Variants in STK32B observed in about 807,000 individuals in gnomAD.
STK32B encodes the protein serine/threonine kinase 32B, also known as serine/threonine-protein kinase 32B.
STK32B carries 43 observed loss-of-function variants against 52.6 expected under a neutral mutation model. The ratio of observed to expected loss-of-function variants is 0.82; its 90% CI spans 0.64 to 1.05. The LOEUF is 1.05. STK32B is among the 50% of genes least tolerant of loss of function. STK32B has a pLI of 0.00. For synonymous variants in STK32B, 238 were observed against 204.3 expected (o/e 1.17, Z -1.41); for missense variants, 621 against 534.6 (o/e 1.16, Z -1.59).
intron 4 of STK32B, among the ~76,000 whole-genome samples, chr4:5,333,329 T>TCTGA (rs1425575231): frequency 6.7e-6 from 1 of 149,248 alleles, no homozygotes; most frequent in African/African-American, 2.4e-5. Context: ...GATGGGGTTG[T>TCTGA]TTTTTTCTTG....
intron 2 of STK32B, among the ~76,000 whole-genome samples, chr4:5,143,196 T>C (rs1294603224): frequency 6.6e-6 from 1 of 152,116 alleles, no homozygotes; most frequent in East Asian, 1.9e-4. Flanking sequence ...GACTGATACA[T>C]GGCACAATAG....
At chr4:5,345,206 G>C (rs1385644241) in intron 4 of STK32B, 1 of 151,356 alleles carries the variant, frequency 6.6e-6, no homozygotes, top group Admixed American at 6.6e-5. Flanking sequence ...TGCTATGACA[G>C]TATAACTGGG....
At chr4:5,158,939 C>G (rs574928732) in intron 2 of STK32B, among the ~76,000 whole-genome samples, 1 of 152,190 alleles carries the variant, frequency 6.6e-6, no homozygotes, top group East Asian at 1.9e-4. Context: ...GGGGGACATA[C>G]AGCTTAGCCC....
rs558096596 is a variant in STK32B at position 5,243,611 on chromosome 4, G to C, written c.260+75161G>C. ...ATTGCCCTGGCCAGAACCTCCAACA[G>C]TATGTTGAATAGGAGTGGTGAGAGA... On this transcript the variant is annotated intron_variant, in intron 3 of 11. Coordinates refer to ENST00000282908, the MANE Select transcript of STK32B (RefSeq NM_018401.3). 2.5e-3 allele frequency among the ~76,000 whole-genome samples: 379 copies of C among 152,214 alleles called. 5 individuals are homozygous for C. Among genetic ancestry groups the C allele is most frequent in the African/African-American group, 2.6e-3 (106 of 41,542 alleles).
intron 11 of STK32B, among the ~76,000 whole-genome samples, chr4:5,496,684 G>A (rs567994579): frequency 2.6e-5 from 4 of 152,028 alleles, no homozygotes; most frequent in South Asian, 2.1e-4. Context: ...GTTCCTTTTC[G>A]GCCATCTTGG....
chr4:5,426,633 T>C (rs1713119059), intron 6 of STK32B, among the ~76,000 whole-genome samples: 1 of 123,810 alleles, frequency 8.1e-6, no homozygotes, highest in East Asian at 2.3e-4. Flanking sequence ...GAGGTTGCAA[T>C]GAGCCAAGAT....
At chr4:5,069,158 TTG>T (rs1711602083) in intron 1 of STK32B, among the ~76,000 whole-genome samples, 2 of 151,692 alleles carry the variant, frequency 1.3e-5, no homozygotes, top group South Asian at 2.1e-4. Flanking sequence ...GCTTAGGGGT[TTG>T]TGTTTTAGTT....
chr4:5,297,795 C>T (rs1051619660), intron 3 of STK32B, among the ~76,000 whole-genome samples: 8 of 151,928 alleles, frequency 5.3e-5, no homozygotes, highest in African/African-American at 1.9e-4. Context: ...ATTCATCAAA[C>T]TCATTCTCCA....
chr4:5,106,387 A>T (rs1050652667), intron 1 of STK32B, among the ~76,000 whole-genome samples: 1 of 152,188 alleles, frequency 6.6e-6, no homozygotes, highest in African/African-American at 2.4e-5. Context: ...ATTTGCAATG[A>T]TGTTTAAGAT....
chr4:5,060,144 G>A (rs529404701), intron 1 of STK32B, among the ~76,000 whole-genome samples: 1 of 152,106 alleles, frequency 6.6e-6, no homozygotes, highest in Non-Finnish European at 1.5e-5. Context: ...TTTTGTATTT[G>A]TAGTGGAGAC....
chr4:5,124,240 A>C (rs1460138099), intron 1 of STK32B, among the ~76,000 whole-genome samples: 1 of 152,192 alleles, frequency 6.6e-6, no homozygotes, highest in Non-Finnish European at 1.5e-5. Flanking sequence ...CGGCTGTTCT[A>C]AGTTCATCAG....
Position 5,159,622 on chromosome 4 carries a change from TATATATGAATATATATATGA to T in STK32B, c.109-8674_109-8655del, listed in dbSNP as rs1560185995. On this transcript the variant is annotated intron_variant, in intron 2 of 11. Transcript: ENST00000282908. ...GAATATATATATGAATATATATGAA[TATATATGAATATATATATGA>T]ATGTATATGAATATATATATGAATG... is the stretch of plus-strand genomic sequence containing the variant. 5.6e-3 allele frequency among the ~76,000 whole-genome samples: 681 copies of T among 122,012 alleles called. 91 individuals carry two copies. Among genetic ancestry groups the T allele is most frequent in the African/African-American group, 0.013 (359 of 27,058 alleles). The allele number at this position is 122,012 out of a possible 152,430, so 80.0% of individuals were successfully genotyped here.
intron 3 of STK32B, among the ~76,000 whole-genome samples, chr4:5,217,319 T>C (rs1723237359): frequency 6.6e-6 from 1 of 152,230 alleles, no homozygotes; most frequent in Non-Finnish European, 1.5e-5. Flanking sequence ...TTTTCAGTTC[T>C]TCCTTGCCAG....
At chr4:5,369,242 A>G (rs1057248640) in intron 4 of STK32B, among the ~76,000 whole-genome samples, 2 of 151,804 alleles carry the variant, frequency 1.3e-5, no homozygotes, top group African/African-American at 2.4e-5. Context: ...CACCCTAAGC[A>G]TGGCAGAGTG....
the STK32B span, among the ~76,000 whole-genome samples, chr4:5,024,058 T>C: frequency 6.6e-6 from 1 of 152,222 alleles, no homozygotes; most frequent in Non-Finnish European, 1.5e-5. Flanking sequence ...TCAGGAATGG[T>C]TTGATCCAGG....
At chr4:5,102,716 A>G (rs1325651548) in intron 1 of STK32B, among the ~76,000 whole-genome samples, 1 of 149,566 alleles carries the variant, frequency 6.7e-6, no homozygotes, top group African/African-American at 2.5e-5. Flanking sequence ...TTTTGTTTTT[A>G]ATTTTTAGTA....
intron 6 of STK32B, among the ~76,000 whole-genome samples, chr4:5,439,804 T>C (rs1429654350): frequency 6.6e-6 from 1 of 151,876 alleles, no homozygotes; most frequent in African/African-American, 2.4e-5. Context: ...AGGGATCCAG[T>C]TTCAGCTTTC....
intron 3 of STK32B, among the ~76,000 whole-genome samples, chr4:5,322,440 G>A (rs1230538918): frequency 6.6e-6 from 1 of 152,166 alleles, no homozygotes; most frequent in East Asian, 1.9e-4. Context: ...AGTGGCCTGA[G>A]GAGATGCTCA....
At chr4:5,098,291 C>T (rs781324098) in intron 1 of STK32B, among the ~76,000 whole-genome samples, 1 of 152,174 alleles carries the variant, frequency 6.6e-6, no homozygotes, top group Non-Finnish European at 1.5e-5. Context: ...GGAAAGGAAA[C>T]CGGGAGTTGG....
Sources: allele counts gnomAD v4.1 joint callset (sites outside exome capture counted in the v4.1 genomes callset), GRCh38; gene constraint gnomAD v4.1.1; transcripts MANE v1.5; gene names NCBI Gene and HGNC (gene_info 2026-07-23, HGNC 2026-07-21).